Variants in RBM4 observed in about 807,000 individuals in gnomAD.
RBM4 encodes RNA-binding protein 4.
A neutral mutation model predicts 29.5 loss-of-function variants in RBM4; 7 were observed. That is an observed-to-expected ratio of 0.24 (90% CI 0.14 to 0.45). The LOEUF is 0.45. RBM4 is among the 20% of genes least tolerant of loss of function. The probability of loss-of-function intolerance (pLI) is 1.00; values close to 1 mark genes in which losing one functional copy is unlikely to be tolerated. For synonymous variants in RBM4, 220 were observed against 205.4 expected (o/e 1.07, Z -0.61); for missense variants, 387 against 502.3 (o/e 0.77, Z 2.19).
At chr11:66,666,824 G>A in exon 3 of RBM4, 1 of 152,226 alleles carries the variant, frequency 6.6e-6, no homozygotes, top group African/African-American at 2.4e-5. Context: ...TTGCTGACAT[G>A]CATATAGGGT....
chr11:66,641,354 T>G (rs1200211430), intron 2 of RBM4, among the ~76,000 whole-genome samples: 3 of 152,210 alleles, frequency 2.0e-5, no homozygotes, highest in African/African-American at 7.2e-5. Context: ...CTGATCATTA[T>G]TTCCCCTAGT....
intron 2 of RBM4, chr11:66,665,752 T>G: frequency 1.5e-6 from 2 of 1,291,378 alleles, no homozygotes; most frequent in Non-Finnish European, 2.1e-6. Context: ...AGTCTATCAA[T>G]AGCTATATAT....
chr11:66,661,505 G>A (rs1939082767), intron 2 of RBM4, among the ~76,000 whole-genome samples: 1 of 152,168 alleles, frequency 6.6e-6, no homozygotes, highest in Non-Finnish European at 1.5e-5. Context: ...CTGGAAACCT[G>A]AGGAAGGGGG....
At chr11:66,666,066 C>A in exon 3 of RBM4, 2 of 1,063,402 alleles carry the variant, frequency 1.9e-6, no homozygotes, top group Non-Finnish European at 2.7e-6. Context: ...GGTAGGATAT[C>A]AAGGAGCAGC....
chr11:66,658,651 T>C (rs1170109189), intron 2 of RBM4, among the ~76,000 whole-genome samples: 1 of 151,944 alleles, frequency 6.6e-6, no homozygotes, highest in Non-Finnish European at 1.5e-5. Flanking sequence ...AAAAAATTAA[T>C]ATAAGCCAGG....
exon 3 of RBM4, chr11:66,666,293 C>G: frequency 9.2e-7 from 1 of 1,083,134 alleles, no homozygotes; most frequent in Non-Finnish European, 1.1e-6. Flanking sequence ...CTACTTATTA[C>G]AGACAAAGGG....
Position 66,643,708 on chromosome 11 carries a change from G to A in RBM4, c.671G>A (p.Arg224His), listed in dbSNP as rs777923978. 2.5e-6 allele frequency: 4 copies of A among 1,614,040 alleles called. No individual in the cohort carries two copies. The highest frequency in any genetic ancestry group is 2.2e-5 in the South Asian group (2 of 91,090). Residue 224 changes from arginine (R) to histidine (H), a missense_variant, in exon 3 of 4, where the codon CGC becomes CAC. This residue lies in a region of RBM4 where 281 missense variants were observed against 288.7 expected (regional missense o/e 0.97). Coordinates refer to ENST00000310092, the MANE Select transcript of RBM4 (RefSeq NM_002896.4). This position sits in a 1 kb window ranked among gnomAD's most constrained non-coding sequence, Gnocchi z 6.1. ...GGAGCGCTCGATGCCTACTACAAGC[G>A]CTGCCGTGCTGCCCGGTCCTATGAG... ...AYGALDAYYK[R>H]CRAARSYEAV...
At chr11:66,662,210 A>G (rs1939096667) in intron 2 of RBM4, among the ~76,000 whole-genome samples, 2 of 152,156 alleles carry the variant, frequency 1.3e-5, no homozygotes, top group Admixed American at 1.3e-4. Flanking sequence ...TAATTAAATA[A>G]AAAACTCAGT....
chr11:66,648,822 ATTTTT>A (rs979509605), downstream of RBM4, among the ~76,000 whole-genome samples: 1 of 149,400 alleles, frequency 6.7e-6, no homozygotes, highest in East Asian at 2.0e-4. Context: ...CAAAAAAAAA[ATTTTT>A]TTTTTAATTT....
intron 3 of RBM4, 52 bp downstream of exon 3, chr11:66,644,192 C>CTT: frequency 6.4e-7 from 1 of 1,552,436 alleles, no homozygotes; most frequent in South Asian, 1.2e-5. Context: ...CTCCTGCAGC[C>CTT]TAAAGGGCTC....
intron 2 of RBM4, among the ~76,000 whole-genome samples, chr11:66,657,311 G>T (rs1027654904): frequency 6.6e-6 from 1 of 151,234 alleles, no homozygotes; most frequent in African/African-American, 2.4e-5. Flanking sequence ...TCTTTTGGTA[G>T]AGATGGGGTC....
exon 3 of RBM4, chr11:66,666,703 G>C (rs1423634977): frequency 6.6e-6 from 1 of 152,246 alleles, no homozygotes; most frequent in Non-Finnish European, 1.5e-5. Context: ...CCCCATGCTA[G>C]ATCCAGCTGC....
chr11:66,659,257 T>C (rs1939026057), intron 2 of RBM4, among the ~76,000 whole-genome samples: 1 of 146,530 alleles, frequency 6.8e-6, no homozygotes, highest in Non-Finnish European at 1.5e-5. Flanking sequence ...ACATTTCTTC[T>C]TGGTTCTTTT....
chr11:66,653,761 C>T, intron 2 of RBM4, among the ~76,000 whole-genome samples: 1 of 151,550 alleles, frequency 6.6e-6, no homozygotes, highest in East Asian at 1.9e-4. Context: ...CAGCAGGCTA[C>T]TAAGTTTTGG....
chr11:66,660,156 G>A (rs1939046826), intron 2 of RBM4, among the ~76,000 whole-genome samples: 1 of 125,818 alleles, frequency 7.9e-6, no homozygotes, highest in Non-Finnish European at 1.6e-5. Flanking sequence ...TTTTAAATCT[G>A]AAGGGACCTT....
chr11:66,644,015 T>A lies in RBM4; in HGVS notation c.978T>A (p.Gly326=). 1 of 1,613,704 alleles carries A rather than the reference T, an allele frequency of 6.2e-7. No homozygotes were observed. Among genetic ancestry groups the A allele is most frequent in the Non-Finnish European group, 8.5e-7 (1 of 1,180,006 alleles). The change falls in exon 3 of 4, where the codon GGT becomes GGA. Residue 326 remains glycine, a synonymous_variant. Coordinates refer to ENST00000310092, the MANE Select transcript of RBM4 (RefSeq NM_002896.4). ...APVPTVGEGY[G]YGHESELSQA... ...TCCCCACTGTTGGAGAGGGCTACGGTTACGGGCATGAGAGTGAGTTGTCCC... is the reference window on the plus strand; with the variant it reads ...TCCCCACTGTTGGAGAGGGCTACGGATACGGGCATGAGAGTGAGTTGTCCC...
chr11:66,646,227 C>A lies in RBM4; in HGVS notation c.*209C>A, dbSNP rs1369639572. On this transcript the variant is annotated 3_prime_UTR_variant, in exon 4 of 4. Coordinates refer to ENST00000310092, the MANE Select transcript of RBM4 (RefSeq NM_002896.4). ...CTGCCCATTTTCCTGTTCTTCTGTC[C>A]TTCAATACTTCTGTAGCTTCCCATT... 11 of 1,442,082 alleles carry A rather than the reference C, an allele frequency of 7.6e-6. No homozygotes were observed. Among genetic ancestry groups the A allele is most frequent in the African/African-American group, 1.4e-5 (1 of 70,186 alleles). 89.3% of individuals were successfully genotyped at this position (1,442,082 alleles called of 1,614,324 possible). A position where few individuals can be genotyped will look rare whatever the true frequency, so the allele number is the denominator to read the frequency against.
chr11:66,639,944 C>T lies in RBM4; in HGVS notation c.233C>T (p.Thr78Ile). Reference sequence around the variant, plus strand: ...AGCAAGAATAAGAGCAAAACCTCAACAAAGTTGCATGTGGGCAACATCAGT... The same window carrying T: ...AGCAAGAATAAGAGCAAAACCTCAATAAAGTTGCATGTGGGCAACATCAGT... ...EASKNKSKTSTKLHVGNISPT... is the reference protein window; with the variant it reads ...EASKNKSKTSIKLHVGNISPT... The change falls in exon 2 of 4, where the codon ACA becomes ATA. Residue 78 changes from threonine to isoleucine, a missense_variant. Thr to Ile is a moderately conservative substitution (Grantham distance 89). Transcript: ENST00000310092. 1.2e-6 allele frequency: 2 copies of T among 1,614,190 alleles called. No individual in the cohort carries two copies. The highest frequency in any genetic ancestry group is 1.7e-6 in the Non-Finnish European group (2 of 1,180,042).
chr11:66,657,884 C>A lies in RBM4; in HGVS notation c.413-7972C>A, dbSNP rs558194045. The stretch of plus-strand genomic sequence containing the variant: ...GACCACTGGCGCATGCCAGCATGCC[C>A]AACTAATTTCTGTATTTTGTAGTTG... On this transcript the variant is annotated intron_variant, in intron 2 of 2. Coordinates refer to the RBM4 transcript ENST00000396053. Among the ~76,000 whole-genome samples the A allele has an allele frequency of 9.2e-5, 14 of 151,860 alleles. 1 individual carries two copies. The East Asian group carries it at 2.7e-3, about 30-fold the overall frequency.
Sources: allele counts gnomAD v4.1 joint callset (sites outside exome capture counted in the v4.1 genomes callset), GRCh38; gene constraint gnomAD v4.1.1; regional missense constraint gnomAD v4.1.1; non-coding constraint Gnocchi (gnomAD v3.1); transcripts MANE v1.5; gene names NCBI Gene and HGNC (gene_info 2026-07-23, HGNC 2026-07-21).